Variants in PTPRD observed in about 807,000 individuals in gnomAD.
PTPRD encodes receptor-type tyrosine-protein phosphatase delta.
Under a neutral mutation model 214.5 loss-of-function variants are expected in PTPRD, and 34 were observed. The ratio of observed to expected loss-of-function variants is 0.16; its 90% CI spans 0.12 to 0.21. The LOEUF is 0.21. Ranked by LOEUF, PTPRD falls within the 10% of genes least tolerant of loss-of-function variation. The pLI is 1.00. For missense variants in PTPRD, 2,545 were observed against 2,398.7 expected (o/e 1.06, Z -1.27); for synonymous variants, 1,128 against 845.7 (o/e 1.33, Z -5.79).
chr9:9,927,317 C>T (rs2084683985), intron 5 of PTPRD, among the ~76,000 whole-genome samples: 1 of 152,076 alleles, frequency 6.6e-6, no homozygotes, highest in African/African-American at 2.4e-5. Flanking sequence ...TTCAGTATTA[C>T]CTTCCATTAT....
In PTPRD at chr9:8,325,171, G is replaced by A. The variant is rs1424499415; in HGVS notation, c.5535-5205C>T. Among the ~76,000 whole-genome samples, 3 of 149,910 alleles carry A rather than the reference G, an allele frequency of 2.0e-5. No homozygotes were observed. The South Asian group carries it at 6.4e-4, about 32-fold the overall frequency. On this transcript the variant is annotated intron_variant, in intron 44 of 45. Coordinates refer to ENST00000381196, the MANE Select transcript of PTPRD (RefSeq NM_002839.4). ...GGTGTTTTAGTCCTGAAGTCTTTGT[G>A]TATACCTATGTCCTGAATGGTATTG...
intron 3 of PTPRD, among the ~76,000 whole-genome samples, chr9:10,141,074 A>G (rs1158433398): frequency 6.6e-6 from 1 of 152,144 alleles, no homozygotes; most frequent in Non-Finnish European, 1.5e-5. Context: ...AATTCTCAAT[A>G]AATTAGGTAT....
At chr9:9,261,683 G>A (rs146353405) in intron 9 of PTPRD, among the ~76,000 whole-genome samples, 2,032 of 149,346 alleles carry the variant, frequency 0.014, 46 homozygotes, top group African/African-American at 0.048. Flanking sequence ...TGTTCAGGAG[G>A]GAGAGGGGTT....
At chr9:9,814,711 A>G (rs2048211009) in intron 5 of PTPRD, among the ~76,000 whole-genome samples, 1 of 152,050 alleles carries the variant, frequency 6.6e-6, no homozygotes, top group Admixed American at 6.6e-5. Flanking sequence ...ATCCCTACCA[A>G]ATTCCAATAG....
At chr9:8,960,989 G>T (rs1476103105) in intron 11 of PTPRD, among the ~76,000 whole-genome samples, 1 of 151,948 alleles carries the variant, frequency 6.6e-6, no homozygotes. Flanking sequence ...AAATTCTATT[G>T]CTTTAAGGCA....
chr9:9,719,346 T>C (rs2097893807), intron 7 of PTPRD, among the ~76,000 whole-genome samples: 1 of 151,862 alleles, frequency 6.6e-6, no homozygotes, highest in Non-Finnish European at 1.5e-5. Context: ...CACCAAACAG[T>C]GGGAGTGAAA....
intron 11 of PTPRD, among the ~76,000 whole-genome samples, chr9:8,892,593 G>A (rs7048085): frequency 2.0e-5 from 3 of 149,138 alleles, no homozygotes; most frequent in African/African-American, 4.9e-5. Flanking sequence ...GTATATATAT[G>A]TGTATATATA....
intron 11 of PTPRD, among the ~76,000 whole-genome samples, chr9:8,954,885 C>A (rs2099123079): frequency 6.6e-6 from 1 of 151,840 alleles, no homozygotes; most frequent in Non-Finnish European, 1.5e-5. Flanking sequence ...TATAGCTTAT[C>A]TTAAAGAAAT....
intron 11 of PTPRD, among the ~76,000 whole-genome samples, chr9:8,835,242 GA>G (rs1421300143): frequency 6.6e-6 from 1 of 152,238 alleles, no homozygotes; most frequent in African/African-American, 2.4e-5. Context: ...AAAGATCACA[GA>G]TGGATCTGGC....
At chr9:10,243,195 A>T (rs1003382214) in intron 3 of PTPRD, among the ~76,000 whole-genome samples, 2 of 151,904 alleles carry the variant, frequency 1.3e-5, no homozygotes, top group African/African-American at 4.8e-5. Flanking sequence ...GCTTATTTCT[A>T]TCTGAAGTTG....
At chr9:9,803,039 A>G (rs1281296319) in intron 5 of PTPRD, among the ~76,000 whole-genome samples, 1 of 151,898 alleles carries the variant, frequency 6.6e-6, no homozygotes, top group African/African-American at 2.4e-5. Context: ...GATCCAGCAA[A>G]ACCTAAGACA....
intron 35 of PTPRD, among the ~76,000 whole-genome samples, chr9:8,405,030 T>C (rs1170909440): frequency 6.6e-6 from 1 of 152,220 alleles, no homozygotes; most frequent in Admixed American, 6.5e-5. Flanking sequence ...ATATTGATTA[T>C]TCTTCCCTAT....
intron 8 of PTPRD, among the ~76,000 whole-genome samples, chr9:9,509,916 G>A (rs1362398888): frequency 1.3e-5 from 2 of 151,460 alleles, no homozygotes; most frequent in African/African-American, 2.4e-5. Context: ...TGTATCTAAT[G>A]TAACTGCATT....
chr9:8,541,666 C>CTTTGTG (rs1393238303), intron 14 of PTPRD, among the ~76,000 whole-genome samples: 1 of 152,050 alleles, frequency 6.6e-6, no homozygotes, highest in East Asian at 1.9e-4. Flanking sequence ...TGCGCCCAGC[C>CTTTGTG]TTTGTGTTTG....
chr9:10,542,584 T>A (rs555197374), intron 2 of PTPRD, among the ~76,000 whole-genome samples: 1 of 152,170 alleles, frequency 6.6e-6, no homozygotes, highest in Non-Finnish European at 1.5e-5. Context: ...CTTATAAACA[T>A]TTCTTATTTA....
At chr9:10,382,398 T>C (rs190412099) in intron 2 of PTPRD, among the ~76,000 whole-genome samples, 51 of 152,044 alleles carry the variant, frequency 3.4e-4, no homozygotes, top group Admixed American at 3.3e-3. Context: ...GCATTGTAAT[T>C]GTTTACCTGG....
chr9:10,053,910 C>T (rs930648508), intron 3 of PTPRD, among the ~76,000 whole-genome samples: 25 of 151,972 alleles, frequency 1.6e-4, no homozygotes, highest in African/African-American at 5.8e-4. Context: ...AGGTGTACGC[C>T]AACACACCCG....
chr9:10,349,357 C>T (rs1044669280), intron 2 of PTPRD, among the ~76,000 whole-genome samples: 1 of 152,110 alleles, frequency 6.6e-6, no homozygotes, highest in African/African-American at 2.4e-5. Flanking sequence ...AACACGCACA[C>T]AAACACACAT....
intron 3 of PTPRD, among the ~76,000 whole-genome samples, chr9:10,190,718 C>CAAAAAAAAAAAAAA (rs57891244): frequency 2.3e-5 from 1 of 44,208 alleles, no homozygotes; most frequent in East Asian, 8.2e-4. Context: ...AACTCTGTCT[C>CAAAAAAAAAAAAAA]AAAAAAAAAA....
Sources: gnomAD v4.1 joint callset for allele counts (sites outside exome capture counted in the v4.1 genomes callset) on GRCh38, gnomAD v4.1.1 for gene constraint, MANE v1.5 for transcripts, NCBI Gene and HGNC (gene_info 2026-07-23, HGNC 2026-07-21) for gene names.